The following ERC2 variants were observed in gnomAD, a reference collection of about 807,000 sequenced individuals.
The protein encoded by ERC2 is ERC protein 2.
In ERC2, 42 loss-of-function variants were observed where a neutral mutation model predicts 114.8. That is an observed-to-expected ratio of 0.37 (90% confidence interval 0.29 to 0.47). The LOEUF (loss-of-function observed/expected upper bound fraction) is 0.47. Ranked by LOEUF, ERC2 falls within the 20% of genes least tolerant of loss-of-function variation. The pLI is 0.99. For missense variants in ERC2, 939 were observed against 1,150.7 expected (o/e 0.82, Z 2.66); for synonymous variants, 454 against 425.5 (o/e 1.07, Z -0.82).
chr3:56,333,598 A>G (rs1443683135), intron 2 of ERC2, among the ~76,000 whole-genome samples: 1 of 152,246 alleles, frequency 6.6e-6, no homozygotes, highest in Admixed American at 6.5e-5. Context: ...GATCACAAAG[A>G]CACTCCAAAA....
chr3:55,904,838 A>G (rs1480218468), intron 13 of ERC2, among the ~76,000 whole-genome samples: 2 of 152,236 alleles, frequency 1.3e-5, no homozygotes, highest in African/African-American at 4.8e-5. Context: ...GAAAAGCATG[A>G]CAGTTAATAA....
intron 2 of ERC2, among the ~76,000 whole-genome samples, chr3:56,405,790 A>T (rs976062802): frequency 6.6e-6 from 1 of 152,068 alleles, no homozygotes. Flanking sequence ...TCTTTTATCA[A>T]TATTTAACAT....
intron 17 of ERC2, among the ~76,000 whole-genome samples, chr3:55,605,548 G>T (rs1436029000): frequency 6.6e-6 from 1 of 152,180 alleles, no homozygotes; most frequent in Non-Finnish European, 1.5e-5. Flanking sequence ...GAAGTACTCT[G>T]AAAGGAAATA....
intron 13 of ERC2, among the ~76,000 whole-genome samples, chr3:55,942,301 T>TTTTTTTTTTTTTTTTTTTTTG (rs1559906638): frequency 8.3e-6 from 1 of 120,780 alleles, no homozygotes; most frequent in African/African-American, 3.4e-5. Flanking sequence ...TTTTTTTTTT[T>TTTTTTTTTTTTTTTTTTTTTG]TTGTTGAGAC....
At chr3:55,730,047 G>A (rs1388537408) in intron 15 of ERC2, among the ~76,000 whole-genome samples, 1 of 151,918 alleles carries the variant, frequency 6.6e-6, no homozygotes, top group Non-Finnish European at 1.5e-5. Context: ...CCCTGGACAG[G>A]TTGGGAGTCA....
chr3:56,295,941 C>A (rs1187181504), intron 3 of ERC2, 78 bp downstream of exon 3: 10 of 1,427,324 alleles, frequency 7.0e-6, no homozygotes, highest in Non-Finnish European at 9.3e-6. Flanking sequence ...TAGATATCTT[C>A]CAACCTGTGA....
At chr3:55,906,076 C>G (rs951798375) in intron 13 of ERC2, among the ~76,000 whole-genome samples, 1 of 152,120 alleles carries the variant, frequency 6.6e-6, no homozygotes, top group African/African-American at 2.4e-5. Flanking sequence ...TTTGTAATAC[C>G]CATCCTGAGG....
At chr3:56,414,708 G>C (rs1193185198) in intron 2 of ERC2, among the ~76,000 whole-genome samples, 1 of 148,182 alleles carries the variant, frequency 6.7e-6, no homozygotes, top group African/African-American at 2.5e-5. Flanking sequence ...CAGGGCGACA[G>C]AGCGAGACTC....
rs540129512 is a variant in ERC2, at chr3:56,065,337, C to A, written c.1641+15480G>T. On this transcript the variant is annotated intron_variant, in intron 7 of 17. Coordinates refer to ENST00000288221, the MANE Select transcript of ERC2 (RefSeq NM_015576.3). ...TCCCGGACTCAAGCAATCCTCCCAC[C>A]TCAGCCTCCCGAACAGGTGGAACTA... Among the ~76,000 whole-genome samples, 427 of 152,164 alleles carry A rather than the reference C, an allele frequency of 2.8e-3. 3 individuals are homozygous for A. Among genetic ancestry groups the A allele is most frequent in the South Asian group, 0.023 (110 of 4,816 alleles).
chr3:55,658,748 T>C (rs1369365825), intron 17 of ERC2: 2 of 152,580 alleles, frequency 1.3e-5, no homozygotes, highest in East Asian at 3.8e-4. Flanking sequence ...TGAATCTGAG[T>C]AGTTCTGACT....
At chr3:55,686,792 C>T (rs2062356776) in intron 16 of ERC2, among the ~76,000 whole-genome samples, 1 of 152,164 alleles carries the variant, frequency 6.6e-6, no homozygotes, top group South Asian at 2.1e-4. Context: ...CTGAATGCTG[C>T]TCGGTGTTTG....
rs201860593 is a variant in ERC2 at position 56,452,306 on chromosome 3, G to A, written c.-141+15942C>T. 5.3e-5 allele frequency among the ~76,000 whole-genome samples: 8 copies of A among 152,194 alleles called. No individual in the cohort carries two copies. In the East Asian group the frequency reaches 1.5e-3, roughly 29 times the overall value. On this transcript the variant is annotated intron_variant, in intron 1 of 17. Coordinates refer to ENST00000288221, the MANE Select transcript of ERC2 (RefSeq NM_015576.3). ...CCTCAGAAAGAATGAAAGTTTCACA[G>A]AAGTTGACTATGATGAATATGGTGG...
intron 15 of ERC2, among the ~76,000 whole-genome samples, chr3:55,700,152 C>T (rs2148825240): frequency 6.6e-6 from 1 of 152,296 alleles, no homozygotes; most frequent in African/African-American, 2.4e-5. Flanking sequence ...ATTTACAATC[C>T]ACGATGCCTG....
At chr3:55,559,514 T>C (rs1274751736) in intron 17 of ERC2, among the ~76,000 whole-genome samples, 1 of 152,218 alleles carries the variant, frequency 6.6e-6, no homozygotes, top group African/African-American at 2.4e-5. Flanking sequence ...ATGCTACAAA[T>C]CAAATTAGTG....
At chr3:56,461,087 A>T (rs1458221366) in intron 1 of ERC2, among the ~76,000 whole-genome samples, 3 of 151,926 alleles carry the variant, frequency 2.0e-5, no homozygotes, top group Non-Finnish European at 4.4e-5. Flanking sequence ...GTTATTGAGC[A>T]TAAAGCTTTC....
intron 12 of ERC2, among the ~76,000 whole-genome samples, chr3:55,966,071 C>T (rs755629472): frequency 3.3e-5 from 5 of 152,236 alleles, no homozygotes; most frequent in Admixed American, 2.0e-4. Flanking sequence ...TTCCAAATAG[C>T]GTTCTACCAG....
chr3:55,914,094 A>G lies in ERC2; in HGVS notation c.2404-25545T>C, dbSNP rs188737937. ...ACAAGGAGACTGGATACTCATCTTG[A>G]GAAAAGTCTCCAAAAGTGATCAATT... On this transcript the variant is annotated intron_variant, in intron 13 of 17. Transcript: ENST00000288221. Among the ~76,000 whole-genome samples, 46 of 152,244 alleles carry G rather than the reference A, an allele frequency of 3.0e-4. 1 individual carries two copies. The highest frequency in any genetic ancestry group is 1.1e-3 in the African/African-American group (44 of 41,534).
At chr3:55,580,758 T>C (rs963122318) in intron 17 of ERC2, among the ~76,000 whole-genome samples, 10 of 152,326 alleles carry the variant, frequency 6.6e-5, no homozygotes, top group Middle Eastern at 3.4e-3. Context: ...ATATGACTCA[T>C]GTGTGCCAAT....
At chr3:55,673,350 C>G (rs549627029) in intron 17 of ERC2, among the ~76,000 whole-genome samples, 1 of 152,072 alleles carries the variant, frequency 6.6e-6, no homozygotes, top group African/African-American at 2.4e-5. Flanking sequence ...TTTGGGAGGC[C>G]GAGGTGGGCA....
Sources: gnomAD v4.1 joint callset for allele counts (sites outside exome capture counted in the v4.1 genomes callset) on GRCh38, gnomAD v4.1.1 for gene constraint, MANE v1.5 for transcripts, NCBI Gene and HGNC (gene_info 2026-07-23, HGNC 2026-07-21) for gene names.